Variants in SULF1 observed in about 807,000 individuals in gnomAD.
SULF1 encodes the protein extracellular sulfatase Sulf-1.
In SULF1, 46 loss-of-function variants were observed where a neutral mutation model predicts 110.5. The ratio of observed to expected loss-of-function variants is 0.42; its 90% CI spans 0.33 to 0.53. The LOEUF (loss-of-function observed/expected upper bound fraction) is 0.53. SULF1 is among the 20% of genes least tolerant of loss of function. The probability of loss-of-function intolerance (pLI) is 0.12; values close to 1 mark genes in which losing one functional copy is unlikely to be tolerated. For missense variants in SULF1, 941 were observed against 1,094.2 expected (o/e 0.86, Z 1.98); for synonymous variants, 371 against 387.1 (o/e 0.96, Z 0.49).
chr8:69,574,103 C>T (rs147107298), intron 5 of SULF1, among the ~76,000 whole-genome samples: 28 of 152,312 alleles, frequency 1.8e-4, no homozygotes, highest in Admixed American at 1.7e-3. Flanking sequence ...CAACGCCTCT[C>T]GAGGGGATTG....
intron 8 of SULF1, among the ~76,000 whole-genome samples, chr8:69,595,665 G>A (rs1349098366): frequency 6.6e-6 from 1 of 152,216 alleles, no homozygotes; most frequent in Non-Finnish European, 1.5e-5. Flanking sequence ...CTCAGAGAAT[G>A]ATGGTTCTGC....
chr8:69,642,329 T>C, intron 22 of SULF1: 2 of 987,256 alleles, frequency 2.0e-6, no homozygotes, highest in Admixed American at 6.1e-5. Flanking sequence ...AGAAGCCAAA[T>C]GACAACAGGA....
chr8:69,630,027 C>T (rs1810393402), intron 19 of SULF1, among the ~76,000 whole-genome samples: 1 of 151,904 alleles, frequency 6.6e-6, no homozygotes, highest in South Asian at 2.1e-4. Flanking sequence ...ACAATTTTGC[C>T]CCAAATAGAT....
chr8:69,573,448 A>G (rs1207054591), intron 5 of SULF1, among the ~76,000 whole-genome samples: 1 of 152,170 alleles, frequency 6.6e-6, no homozygotes, highest in Non-Finnish European at 1.5e-5. Flanking sequence ...TCTGTAAACT[A>G]GAGATTACAG....
At chr8:69,540,842 A>C (rs1165464064) in intron 3 of SULF1, among the ~76,000 whole-genome samples, 1 of 152,156 alleles carries the variant, frequency 6.6e-6, no homozygotes, top group African/African-American at 2.4e-5. Flanking sequence ...TTTTCACAAG[A>C]CCTGTCAAAT....
intron 22 of SULF1, chr8:69,641,170 T>A (rs1811444810): frequency 4.2e-6 from 1 of 236,534 alleles, no homozygotes; most frequent in African/African-American, 2.2e-5. Context: ...GGTGGGAGAT[T>A]TATTTTCTTT....
At chr8:69,599,709 A>G (rs1807635774) in intron 8 of SULF1, among the ~76,000 whole-genome samples, 1 of 152,234 alleles carries the variant, frequency 6.6e-6, no homozygotes, top group Non-Finnish European at 1.5e-5. Context: ...GTTCAAATAT[A>G]AATAAATAAT....
chr8:69,507,188 T>C (rs1349269515), intron 3 of SULF1, among the ~76,000 whole-genome samples: 1 of 152,230 alleles, frequency 6.6e-6, no homozygotes, highest in African/African-American at 2.4e-5. Context: ...TGGTTCAATC[T>C]GGTATCAGGC....
chr8:69,575,845 T>C (rs1805573035), intron 5 of SULF1, 125 bp from the exon 6 acceptor site: 6 of 1,165,540 alleles, frequency 5.1e-6, no homozygotes, highest in South Asian at 4.9e-5. Context: ...GATCAAATTA[T>C]AGACTCCTTT....
chr8:69,596,007 A>G (rs982630977), intron 8 of SULF1, among the ~76,000 whole-genome samples: 4 of 152,220 alleles, frequency 2.6e-5, no homozygotes, highest in Admixed American at 6.5e-5. Flanking sequence ...CGGAAAGAAA[A>G]TCAAACACTC....
chr8:69,585,222 A>T (rs573269847), intron 6 of SULF1, among the ~76,000 whole-genome samples: 1 of 152,282 alleles, frequency 6.6e-6, no homozygotes, highest in Non-Finnish European at 1.5e-5. Context: ...CATATATAAA[A>T]TAAAGTTTTC....
At chr8:69,519,938 GTTTC>G (rs1812176788) in intron 3 of SULF1, among the ~76,000 whole-genome samples, 1 of 152,084 alleles carries the variant, frequency 6.6e-6, no homozygotes, top group African/African-American at 2.4e-5. Context: ...CACATTAAAG[GTTTC>G]TTTCTGAAAT....
intron 3 of SULF1, among the ~76,000 whole-genome samples, chr8:69,521,175 T>C (rs1364521988): frequency 6.6e-6 from 1 of 152,182 alleles, no homozygotes; most frequent in Non-Finnish European, 1.5e-5. Flanking sequence ...ATTCATTTTT[T>C]CCTTTATTTT....
intron 22 of SULF1, among the ~76,000 whole-genome samples, chr8:69,646,938 ATTTTTTTTT>A (rs532105097): frequency 7.2e-5 from 7 of 97,740 alleles, no homozygotes; most frequent in African/African-American, 2.7e-4. Context: ...GAGCCCTGGA[ATTTTTTTTT>A]TTTTTTTTTT....
intron 22 of SULF1, among the ~76,000 whole-genome samples, chr8:69,654,402 G>A (rs1350073188): frequency 6.6e-6 from 1 of 152,188 alleles, no homozygotes; most frequent in East Asian, 1.9e-4. Flanking sequence ...TTCAAATAGA[G>A]TAAGTTTATA....
intron 14 of SULF1, 82 bp from the exon 15 acceptor site, chr8:69,623,860 C>G (rs1586575584): frequency 6.7e-7 from 1 of 1,495,692 alleles, no homozygotes; most frequent in Non-Finnish European, 9.0e-7. Flanking sequence ...ACTCCAGGAT[C>G]CCTTCTGGAC....
intron 3 of SULF1, among the ~76,000 whole-genome samples, chr8:69,532,062 G>A (rs1038763034): frequency 1.3e-5 from 2 of 152,158 alleles, no homozygotes; most frequent in African/African-American, 4.8e-5. Flanking sequence ...ACAAGTGAGG[G>A]GTTAGGAAGC....
intron 22 of SULF1, among the ~76,000 whole-genome samples, chr8:69,643,071 G>A (rs1038993529): frequency 3.3e-5 from 5 of 152,144 alleles, no homozygotes; most frequent in South Asian, 2.1e-4. Flanking sequence ...TGAAATAACC[G>A]GCATTTTCAG....
At chr8:69,497,773 G>A (rs1469844658) in intron 2 of SULF1, among the ~76,000 whole-genome samples, 3 of 152,180 alleles carry the variant, frequency 2.0e-5, no homozygotes, top group Admixed American at 6.5e-5. Flanking sequence ...AACCAAGAGA[G>A]TTAAGTTCAA....
Sources: allele counts gnomAD v4.1 joint callset (sites outside exome capture counted in the v4.1 genomes callset), GRCh38; gene constraint gnomAD v4.1.1; transcripts MANE v1.5; gene names NCBI Gene and HGNC (gene_info 2026-07-23, HGNC 2026-07-21).